The following CDS1 variants were observed in gnomAD, a reference collection of about 807,000 sequenced individuals.
CDS1 encodes the protein CDP-diacylglycerol synthase 1, also known as phosphatidate cytidylyltransferase 1.
A neutral mutation model predicts 62.1 loss-of-function variants in CDS1; 41 were observed. The ratio of observed to expected loss-of-function variants is 0.66; its 90% CI spans 0.51 to 0.86. The LOEUF (loss-of-function observed/expected upper bound fraction) is 0.86. Ranked by LOEUF, CDS1 falls within the 40% of genes least tolerant of loss-of-function variation. The probability of loss-of-function intolerance (pLI) is 0.00; values close to 1 mark genes in which losing one functional copy is unlikely to be tolerated. For missense variants in CDS1, 470 were observed against 550.1 expected (o/e 0.85, Z 1.46); for synonymous variants, 185 against 192.6 (o/e 0.96, Z 0.32).
At chr4:84,612,275 T>C (rs528415402) in intron 3 of CDS1, among the ~76,000 whole-genome samples, 1 of 152,066 alleles carries the variant, frequency 6.6e-6, no homozygotes, top group South Asian at 2.1e-4. Context: ...GAGAAGTATT[T>C]TGGGAGAATT....
chr4:84,637,411 G>A (rs1724247122), intron 8 of CDS1, among the ~76,000 whole-genome samples: 1 of 152,152 alleles, frequency 6.6e-6, no homozygotes, highest in Non-Finnish European at 1.5e-5. Flanking sequence ...CTTGGCGGAA[G>A]GGGAAGCAGG....
chr4:84,638,276 A>G (rs993009013), intron 8 of CDS1, among the ~76,000 whole-genome samples: 2 of 152,142 alleles, frequency 1.3e-5, no homozygotes, highest in African/African-American at 4.8e-5. Context: ...AACACAAACA[A>G]TATCTCTTCT....
chr4:84,598,349 A>G (rs558681204), intron 1 of CDS1, among the ~76,000 whole-genome samples: 44 of 151,380 alleles, frequency 2.9e-4, no homozygotes, highest in African/African-American at 1.0e-3. Context: ...CAGTGTCCAC[A>G]TCAAGGGATT....
chr4:84,597,667 C>T (rs1006266222), intron 1 of CDS1, among the ~76,000 whole-genome samples: 7 of 152,068 alleles, frequency 4.6e-5, no homozygotes, highest in Non-Finnish European at 4.4e-5. Context: ...CTTGACTATT[C>T]TCTATCATTG....
At chr4:84,645,429 A>G (rs778164982) in intron 12 of CDS1, 104 bp downstream of exon 12, 5 of 684,988 alleles carry the variant, frequency 7.3e-6, no homozygotes, top group South Asian at 1.8e-5. Flanking sequence ...GTAATCTACA[A>G]TATTAAAGTG....
chr4:84,587,737 C>T (rs1004776967), intron 1 of CDS1, among the ~76,000 whole-genome samples: 2 of 152,076 alleles, frequency 1.3e-5, no homozygotes, highest in South Asian at 2.1e-4. Context: ...AGTTTATTAA[C>T]GTGTGGGGTG....
rs1275332666 is a variant in CDS1, at chr4:84,600,525, A to G, written c.118-3718A>G. ...TTATCTGTGGTGTGAGGTATGGATCAAGGTTTTTTGTTAAAATTGTGCCAG... is the reference window on the plus strand; with the variant it reads ...TTATCTGTGGTGTGAGGTATGGATCGAGGTTTTTTGTTAAAATTGTGCCAG... On this transcript the variant is annotated intron_variant, in intron 1 of 12. Transcript: ENST00000295887. Among the ~76,000 whole-genome samples the G allele has an allele frequency of 2.0e-5, 3 of 152,198 alleles. No individual in the cohort carries two copies. The East Asian group carries it at 5.8e-4, about 29-fold the overall frequency.
intron 1 of CDS1, among the ~76,000 whole-genome samples, chr4:84,600,872 A>G (rs1434962670): frequency 1.3e-5 from 2 of 152,158 alleles, no homozygotes; most frequent in Non-Finnish European, 2.9e-5. Context: ...GTGAATGAGA[A>G]TGGAAATGGA....
chr4:84,644,226 A>AAGGACAATATAC (rs1724482824), intron 11 of CDS1, among the ~76,000 whole-genome samples: 1 of 152,196 alleles, frequency 6.6e-6, no homozygotes, highest in African/African-American at 2.4e-5. Context: ...TTCCTGTTCT[A>AAGGACAATATAC]AAGATGCTCA....
chr4:84,604,470 C>CATG, intron 2 of CDS1, 100 bp downstream of exon 2: 1 of 1,209,408 alleles, frequency 8.3e-7, no homozygotes, highest in Non-Finnish European at 1.2e-6. Context: ...GTTTTCCAGC[C>CATG]ATGGTATTAG....
chr4:84,613,203 T>G (rs904453794), intron 3 of CDS1, among the ~76,000 whole-genome samples: 4 of 152,142 alleles, frequency 2.6e-5, no homozygotes, highest in African/African-American at 7.2e-5. Flanking sequence ...TTGTTTCTAT[T>G]CCTATTCTTA....
At chr4:84,609,047 C>T (rs112052792) in intron 2 of CDS1, among the ~76,000 whole-genome samples, 5,177 of 151,750 alleles carry the variant, frequency 0.034, 98 homozygotes, top group South Asian at 0.041. Context: ...GGTGTGGTGG[C>T]GGGCACCTGT....
At position 84,626,115 on chromosome 4, in the gene CDS1, C is replaced by T. The variant is rs111584668; in HGVS notation, c.581-5704C>T. On this transcript the variant is annotated intron_variant, in intron 5 of 12. Coordinates refer to ENST00000295887, the MANE Select transcript of CDS1 (RefSeq NM_001263.4). ...CCAGGAGGTGGAGGTTGCGGTGAGC[C>T]GAGATCATGCCATTCCACTCCAGCC... 8.2e-4 allele frequency among the ~76,000 whole-genome samples: 124 copies of T among 151,978 alleles called. 1 individual carries two copies. Among genetic ancestry groups the T allele is most frequent in the Middle Eastern group, 3.4e-3 (1 of 294 alleles).
At chr4:84,592,475 C>T (rs899392701) in intron 1 of CDS1, among the ~76,000 whole-genome samples, 3 of 152,038 alleles carry the variant, frequency 2.0e-5, no homozygotes, top group Non-Finnish European at 4.4e-5. Context: ...GCCCAGCCAA[C>T]CAATTGGTTT....
chr4:84,583,370 A>G lies in CDS1; in HGVS notation c.-32A>G. 6.7e-7 allele frequency: 1 copy of G among 1,484,140 alleles called. No homozygotes were observed. The allele number at this position is 1,484,140 out of a possible 1,614,324, so 91.9% of individuals were successfully genotyped here. A position where few individuals can be genotyped will look rare whatever the true frequency, so the allele number is the denominator to read the frequency against. On this transcript the variant is annotated 5_prime_UTR_variant, in exon 1 of 13. Coordinates refer to ENST00000295887, the MANE Select transcript of CDS1 (RefSeq NM_001263.4). Reference sequence around the variant, plus strand: ...TGCAGCTCAGGTTTCGGGGTGCTTGAGGAGGCCGCCACGGCAGCGCGGGAG... The same window carrying G: ...TGCAGCTCAGGTTTCGGGGTGCTTGGGGAGGCCGCCACGGCAGCGCGGGAG...
At chr4:84,606,305 A>AGTGTGT (rs60828105) in intron 2 of CDS1, among the ~76,000 whole-genome samples, 1 of 146,408 alleles carries the variant, frequency 6.8e-6, no homozygotes, top group Non-Finnish European at 1.5e-5. Context: ...TTTCTTGTGC[A>AGTGTGT]GTGTGTGTGT....
At chr4:84,640,316 C>G (rs537931995) in intron 9 of CDS1, among the ~76,000 whole-genome samples, 1 of 151,264 alleles carries the variant, frequency 6.6e-6, no homozygotes, top group Non-Finnish European at 1.5e-5. Flanking sequence ...TGTTGTCTAG[C>G]AATTTAAATT....
chr4:84,626,742 G>A (rs1723872945), intron 5 of CDS1, among the ~76,000 whole-genome samples: 1 of 152,172 alleles, frequency 6.6e-6, no homozygotes, highest in Admixed American at 6.5e-5. Context: ...AAGCACCCAT[G>A]GTGTACCTCT....
intron 2 of CDS1, among the ~76,000 whole-genome samples, chr4:84,606,305 AGTGTGT>A (rs60828105): frequency 5.1e-4 from 75 of 146,470 alleles, no homozygotes; most frequent in Middle Eastern, 3.5e-3. Flanking sequence ...TTTCTTGTGC[AGTGTGT>A]GTGTGTGTGT....
Sources: allele counts gnomAD v4.1 joint callset (sites outside exome capture counted in the v4.1 genomes callset), GRCh38; gene constraint gnomAD v4.1.1; transcripts MANE v1.5; gene names NCBI Gene and HGNC (gene_info 2026-07-23, HGNC 2026-07-21).